KHDRBS2: variants seen among roughly 807,000 people sequenced by gnomAD.
KHDRBS2 encodes the protein KH RNA binding domain containing, signal transduction associated 2.
KHDRBS2 carries 26 observed loss-of-function variants against 44.3 expected under a neutral mutation model. The observed-to-expected ratio is 0.59, with a 90% confidence interval of 0.43 to 0.81. KHDRBS2 has a LOEUF of 0.81. Ranked by LOEUF, KHDRBS2 falls within the 40% of genes least tolerant of loss-of-function variation. The pLI is 0.00. For missense variants in KHDRBS2, 476 were observed against 433.1 expected, an observed-to-expected ratio of 1.10 and a Z score of -0.88; for synonymous variants, 194 against 151.1, an observed-to-expected ratio of 1.28 and a Z score of -2.08.
At chr6:61,782,689 GTATA>G (rs70993182) in intron 6 of KHDRBS2, among the ~76,000 whole-genome samples, 5,909 of 110,368 alleles carry the variant, frequency 0.054, 388 homozygotes, top group Non-Finnish European at 0.067. Context: ...TAAAGGTTGT[GTATA>G]TATATATATA....
At chr6:61,991,986 A>T (rs1776225636) in intron 3 of KHDRBS2, among the ~76,000 whole-genome samples, 1 of 152,238 alleles carries the variant, frequency 6.6e-6, no homozygotes, top group South Asian at 2.1e-4. Context: ...TTCATCAGGC[A>T]AACGGACTGA....
chr6:61,682,701 T>C (rs1462942804), intron 8 of KHDRBS2, among the ~76,000 whole-genome samples: 1 of 151,908 alleles, frequency 6.6e-6, no homozygotes, highest in Non-Finnish European at 1.5e-5. Context: ...CTAGACCATG[T>C]TGTTTTTGGT....
At chr6:61,806,149 A>G (rs1028020930) in intron 6 of KHDRBS2, among the ~76,000 whole-genome samples, 1 of 152,174 alleles carries the variant, frequency 6.6e-6, no homozygotes, top group Non-Finnish European at 1.5e-5. Flanking sequence ...TGTGGTCTAC[A>G]TTCTCCTTTT....
chr6:61,565,502 A>G, the KHDRBS2 span, among the ~76,000 whole-genome samples: 3 of 152,174 alleles, frequency 2.0e-5, no homozygotes, highest in Admixed American at 6.5e-5. Flanking sequence ...TAAATGGGCA[A>G]AAGGTCTAAA....
chr6:61,761,122 T>C (rs1022787017), intron 6 of KHDRBS2, among the ~76,000 whole-genome samples: 6 of 152,188 alleles, frequency 3.9e-5, no homozygotes, highest in African/African-American at 1.4e-4. Context: ...CTGTTGTCTT[T>C]TAGGTAAGGT....
At chr6:61,726,153 T>C (rs533869712) in intron 7 of KHDRBS2, among the ~76,000 whole-genome samples, 153 of 152,052 alleles carry the variant, frequency 1.0e-3, no homozygotes, top group Non-Finnish European at 1.8e-3. Context: ...CATACAGATA[T>C]CAATAAATTT....
chr6:61,882,239 C>T (rs1173188406), intron 6 of KHDRBS2, among the ~76,000 whole-genome samples: 1 of 151,912 alleles, frequency 6.6e-6, no homozygotes, highest in Non-Finnish European at 1.5e-5. Context: ...TACTCATCCC[C>T]CAGCAACCTG....
chr6:61,710,939 G>A (rs913221039), intron 7 of KHDRBS2, among the ~76,000 whole-genome samples: 2 of 147,838 alleles, frequency 1.4e-5, no homozygotes, highest in African/African-American at 5.0e-5. Context: ...ACTGGACTCA[G>A]CAGGGGCTCA....
intron 6 of KHDRBS2, among the ~76,000 whole-genome samples, chr6:61,842,546 C>A (rs1365374468): frequency 1.3e-5 from 2 of 152,070 alleles, no homozygotes; most frequent in Non-Finnish European, 2.9e-5. Flanking sequence ...CATTAGTATG[C>A]TTCTAAATTT....
At chr6:61,810,018 G>A (rs73476628) in intron 6 of KHDRBS2, among the ~76,000 whole-genome samples, 1,733 of 152,152 alleles carry the variant, frequency 0.011, 33 homozygotes, top group African/African-American at 0.04. Flanking sequence ...GTCCCACAGG[G>A]TCTTAAATAA....
chr6:62,138,741 T>A (rs2150096098), intron 2 of KHDRBS2, among the ~76,000 whole-genome samples: 1 of 152,308 alleles, frequency 6.6e-6, no homozygotes, highest in Admixed American at 6.5e-5. Context: ...CAGATATGAC[T>A]TATATAGATT....
chr6:62,277,937 A>T (rs1841228241), intron 1 of KHDRBS2, among the ~76,000 whole-genome samples: 1 of 152,176 alleles, frequency 6.6e-6, no homozygotes, highest in African/African-American at 2.4e-5. Context: ...CAAATAAAAG[A>T]TGCAATCACT....
At chr6:62,025,514 A>T (rs1350357655) in intron 3 of KHDRBS2, among the ~76,000 whole-genome samples, 1 of 151,960 alleles carries the variant, frequency 6.6e-6, no homozygotes, top group Non-Finnish European at 1.5e-5. Context: ...TTCAGTATGT[A>T]TTTATAAAGG....
chr6:62,218,687 G>T (rs1278080920), intron 1 of KHDRBS2, among the ~76,000 whole-genome samples: 1 of 151,730 alleles, frequency 6.6e-6, no homozygotes, highest in Non-Finnish European at 1.5e-5. Context: ...TCTATCTGAA[G>T]GAAGTCATTT....
intron 2 of KHDRBS2, among the ~76,000 whole-genome samples, chr6:62,161,447 C>T (rs1817598482): frequency 1.3e-5 from 2 of 150,280 alleles, no homozygotes; most frequent in Admixed American, 1.3e-4. Context: ...AAATTATATA[C>T]ATGGGATAAG....
chr6:61,561,059 C>T, the KHDRBS2 span, among the ~76,000 whole-genome samples: 227 of 152,206 alleles, frequency 1.5e-3, 4 homozygotes, highest in African/African-American at 5.2e-3. Flanking sequence ...AACCCAGTAC[C>T]GACGTGTCTC....
chr6:61,813,307 C>G (rs1413216301), intron 6 of KHDRBS2, among the ~76,000 whole-genome samples: 1 of 152,012 alleles, frequency 6.6e-6, no homozygotes, highest in Non-Finnish European at 1.5e-5. Flanking sequence ...TGTGACAATA[C>G]TGTGTTCAGA....
At chr6:62,124,668 T>A (rs1456654135) in intron 2 of KHDRBS2, among the ~76,000 whole-genome samples, 1 of 151,984 alleles carries the variant, frequency 6.6e-6, no homozygotes, top group African/African-American at 2.4e-5. Context: ...TGATTCCATT[T>A]CTTTGCTATT....
At chr6:62,002,215 T>G (rs2127260018) in intron 3 of KHDRBS2, among the ~76,000 whole-genome samples, 1 of 152,126 alleles carries the variant, frequency 6.6e-6, no homozygotes, top group East Asian at 1.9e-4. Flanking sequence ...CCAAAGGTGT[T>G]TGATATTCCT....
Sources: gnomAD v4.1 joint callset for allele counts (sites outside exome capture counted in the v4.1 genomes callset) on GRCh38, gnomAD v4.1.1 for gene constraint, MANE v1.5 for transcripts, NCBI Gene and HGNC (gene_info 2026-07-23, HGNC 2026-07-21) for gene names.